Variants in RUNX3 observed in about 807,000 individuals in gnomAD.
The protein encoded by RUNX3 is RUNX family transcription factor 3.
In RUNX3, 10 loss-of-function variants were observed where a neutral mutation model predicts 27.7. The ratio of observed to expected loss-of-function variants is 0.36; its 90% CI spans 0.22 to 0.61. The LOEUF (loss-of-function observed/expected upper bound fraction) is 0.61. Among genes scored for constraint, RUNX3 ranks in the 20% least tolerant of loss-of-function variants. The probability of loss-of-function intolerance (pLI) is 0.72; values close to 1 mark genes in which losing one functional copy is unlikely to be tolerated. For missense variants in RUNX3, 469 were observed against 629.5 expected (o/e 0.75, Z 2.73); for synonymous variants, 270 against 269.2 (o/e 1.00, Z -0.03).
At chr1:24,937,320 C>A (rs1207925864) in intron 2 of RUNX3, among the ~76,000 whole-genome samples, 4 of 152,236 alleles carry the variant, frequency 2.6e-5, no homozygotes, top group South Asian at 2.1e-4. Flanking sequence ...ACTTGCTCAA[C>A]AAAGGTCCTG....
upstream of RUNX3, among the ~76,000 whole-genome samples, chr1:24,931,274 G>A (rs1641221757): frequency 6.6e-6 from 1 of 151,990 alleles, no homozygotes; most frequent in Non-Finnish European, 1.5e-5. Context: ...CGTGCGCTCC[G>A]GCTGCGCCGC....
intron 3 of RUNX3, among the ~76,000 whole-genome samples, chr1:24,917,708 C>T (rs1025963541): frequency 3.9e-5 from 6 of 152,176 alleles, no homozygotes; most frequent in Admixed American, 1.3e-4. Flanking sequence ...GCTGCTTGTG[C>T]GAATATCATT....
At chr1:24,932,728 G>A (rs1467472871), upstream of RUNX3, among the ~76,000 whole-genome samples, 4 of 152,306 alleles carry the variant, frequency 2.6e-5, no homozygotes, top group African/African-American at 7.2e-5. Flanking sequence ...ATTGTCGTCT[G>A]TTTGATGGGA....
At chr1:24,911,196 T>G (rs1209229189) in intron 3 of RUNX3, among the ~76,000 whole-genome samples, 2 of 152,216 alleles carry the variant, frequency 1.3e-5, no homozygotes, top group Non-Finnish European at 2.9e-5. Context: ...CACAGACTGA[T>G]CCGACAACAG....
intron 3 of RUNX3, among the ~76,000 whole-genome samples, chr1:24,911,505 G>GTGGGTTGAGGTGC (rs1640795314): frequency 6.6e-6 from 1 of 152,236 alleles, no homozygotes; most frequent in East Asian, 1.9e-4. Flanking sequence ...CACTGTCTTT[G>GTGGGTTGAGGTGC]TGGGTTGAGG....
intron 2 of RUNX3, among the ~76,000 whole-genome samples, chr1:24,941,328 G>T (rs1366143796): frequency 6.6e-6 from 1 of 152,184 alleles, no homozygotes; most frequent in African/African-American, 2.4e-5. Flanking sequence ...GGCAGAGCTG[G>T]GATTTGAACC....
chr1:24,957,519 G>T (rs915645519), intron 2 of RUNX3, among the ~76,000 whole-genome samples: 3 of 152,204 alleles, frequency 2.0e-5, no homozygotes, highest in South Asian at 4.1e-4. Context: ...CACCCCCACC[G>T]CCTGGAGGGG....
chr1:24,910,861 T>G (rs988871800), intron 3 of RUNX3, among the ~76,000 whole-genome samples: 5 of 152,094 alleles, frequency 3.3e-5, no homozygotes, highest in African/African-American at 1.2e-4. Flanking sequence ...GGGGGCGAGT[T>G]TAGCTGGAGC....
chr1:24,917,436 C>T (rs1640911134), intron 3 of RUNX3, among the ~76,000 whole-genome samples: 1 of 152,170 alleles, frequency 6.6e-6, no homozygotes, highest in South Asian at 2.1e-4. Flanking sequence ...CAAAACGCTG[C>T]GGACCCAGTG....
intron 2 of RUNX3, among the ~76,000 whole-genome samples, chr1:24,948,922 A>G (rs1353003728): frequency 6.6e-6 from 1 of 151,984 alleles, no homozygotes; most frequent in African/African-American, 2.4e-5. Context: ...TAAATTAATC[A>G]CATTAATCGA....
Position 24,929,755 on chromosome 1 carries a change from C to A in RUNX3, c.114G>T (p.Ala38=). ...GCCCTCCGGGCCCCACGGCCGCCTGCGCGCTCAGCGCGCCGCTGTTCTCGC... is the reference window on the plus strand; with the variant it reads ...GCCCTCCGGGCCCCACGGCCGCCTGAGCGCTCAGCGCGCCGCTGTTCTCGC... ...KMGENSGALS[A]QAAVGPGGRA... is the part of the protein sequence containing the mutation. Residue 38 remains alanine, a synonymous_variant, in exon 1 of 5, where the codon GCG becomes GCT. Transcript: ENST00000308873. The A allele has an allele frequency of 6.8e-7, 1 of 1,464,554 alleles. No individual in the cohort carries two copies. Among genetic ancestry groups the A allele is most frequent in the Non-Finnish European group, 8.9e-7 (1 of 1,117,434 alleles). 90.7% of individuals were successfully genotyped at this position (1,464,554 alleles called of 1,614,324 possible).
At chr1:24,932,787 T>TC (rs1641262214), upstream of RUNX3, among the ~76,000 whole-genome samples, 1 of 152,090 alleles carries the variant, frequency 6.6e-6, no homozygotes, top group African/African-American at 2.4e-5. Context: ...CCCTCGCCCT[T>TC]CCCCAGTTGG....
intron 2 of RUNX3, among the ~76,000 whole-genome samples, chr1:24,942,586 G>A (rs771235760): frequency 7.9e-5 from 12 of 152,190 alleles, no homozygotes; most frequent in Admixed American, 3.3e-4. Context: ...AAGGGAGAAG[G>A]GGGCTGGTAG....
intron 1 of RUNX3, 76 bp downstream of exon 1, chr1:24,929,511 C>G: frequency 7.0e-7 from 1 of 1,425,648 alleles, no homozygotes; most frequent in South Asian, 1.2e-5. Flanking sequence ...CCACTGCTCC[C>G]GAGGCTCTGG....
chr1:24,932,682 T>C (rs758945532), upstream of RUNX3, among the ~76,000 whole-genome samples: 34 of 152,116 alleles, frequency 2.2e-4, no homozygotes, highest in Admixed American at 5.9e-4. Context: ...TGTTCCCAAT[T>C]TCCACCTGCT....
At chr1:24,931,060 G>A (rs1641217156), upstream of RUNX3, among the ~76,000 whole-genome samples, 1 of 152,230 alleles carries the variant, frequency 6.6e-6, no homozygotes, top group African/African-American at 2.4e-5. Flanking sequence ...AAAACACGAC[G>A]AGGCCTGCAA....
At chr1:24,907,890 C>T (rs34875318) in intron 3 of RUNX3, among the ~76,000 whole-genome samples, 3,029 of 151,526 alleles carry the variant, frequency 0.02, 194 homozygotes, top group East Asian at 0.18. Context: ...CTACAACACG[C>T]GGTGATCTAA....
chr1:24,955,269 A>G (rs1361895362), intron 2 of RUNX3, among the ~76,000 whole-genome samples: 1 of 152,138 alleles, frequency 6.6e-6, no homozygotes, highest in African/African-American at 2.4e-5. Context: ...GGAGGGCTCC[A>G]TGGAGGTGGT....
At chr1:24,930,957 C>G (rs895404728), upstream of RUNX3, among the ~76,000 whole-genome samples, 4 of 152,238 alleles carry the variant, frequency 2.6e-5, no homozygotes, top group Non-Finnish European at 4.4e-5. This position sits in a 1 kb window ranked among gnomAD's most constrained non-coding sequence, Gnocchi z 4.1. Context: ...GGCCAACAAC[C>G]CCTTTCCTCT....
Sources: allele counts gnomAD v4.1 joint callset (sites outside exome capture counted in the v4.1 genomes callset), GRCh38; gene constraint gnomAD v4.1.1; non-coding constraint Gnocchi (gnomAD v3.1); transcripts MANE v1.5; gene names NCBI Gene and HGNC (gene_info 2026-07-23, HGNC 2026-07-21).